KCNQ4: variants seen among roughly 807,000 people sequenced by gnomAD.
KCNQ4 encodes potassium voltage-gated channel subfamily KQT member 4.
A neutral mutation model predicts 72.6 loss-of-function variants in KCNQ4; 31 were observed. The observed-to-expected ratio is 0.43, with a 90% confidence interval of 0.32 to 0.58. The LOEUF (loss-of-function observed/expected upper bound fraction) is 0.58, where lower values mean the gene tolerates loss of function less well. Among genes scored for constraint, KCNQ4 ranks in the 20% least tolerant of loss-of-function variants. The probability of loss-of-function intolerance (pLI) is 0.08; values close to 1 mark genes in which losing one functional copy is unlikely to be tolerated. For synonymous variants in KCNQ4, 405 were observed against 403.7 expected (o/e 1.00, Z -0.04); for missense variants, 869 against 962.6 (o/e 0.90, Z 1.29).
rs1323481991 is a variant in KCNQ4, at chr1:40,817,154, TTTTC to T, written c.315-109_315-106del. 43 of 843,138 alleles carry T rather than the reference TTTTC, an allele frequency of 5.1e-5. No homozygotes were observed. In the Middle Eastern group the frequency reaches 2.4e-3, roughly 48 times the overall value. The allele number at this position is 843,138 out of a possible 1,614,324, so 52.2% of individuals were successfully genotyped here. On this transcript the variant is annotated intron_variant, in intron 1 of 13. Transcript: ENST00000347132. This position sits in a 1 kb window ranked among gnomAD's most constrained non-coding sequence, Gnocchi z 5.5. The stretch of plus-strand genomic sequence containing the variant: ...AATTCCAATTCTGATTTCCACATAA[TTTTC>T]TGAAAATAATGTTCTCCTCTCTTGG...
chr1:40,803,918 C>T (rs1030318706), intron 1 of KCNQ4, among the ~76,000 whole-genome samples: 1 of 152,238 alleles, frequency 6.6e-6, no homozygotes, highest in African/African-American at 2.4e-5. Flanking sequence ...TGGGCTCAGT[C>T]TTGGCACCTG....
intron 1 of KCNQ4, among the ~76,000 whole-genome samples, chr1:40,816,301 C>T (rs1322633668): frequency 6.6e-6 from 1 of 152,132 alleles, no homozygotes; most frequent in Non-Finnish European, 1.5e-5. Flanking sequence ...TGGAGGCCAC[C>T]TCATTCGCCT....
At chr1:40,835,178 C>T (rs915124597) in intron 12 of KCNQ4, 80 bp downstream of exon 12, 46 of 1,542,224 alleles carry the variant, frequency 3.0e-5, no homozygotes, top group African/African-American at 2.5e-4. Flanking sequence ...GGCCAACCCC[C>T]GAGCACCCCC....
chr1:40,791,359 C>T (rs753070668), intron 1 of KCNQ4, among the ~76,000 whole-genome samples: 17 of 152,114 alleles, frequency 1.1e-4, no homozygotes, highest in Non-Finnish European at 2.4e-4. Flanking sequence ...TCTCTGGGGG[C>T]CCCTCAGGTG....
At position 40,784,528 on chromosome 1, in the gene KCNQ4, C is replaced by T. The variant is rs1647184854; in HGVS notation, c.314+121C>T. 1.5e-5 allele frequency: 14 copies of T among 936,252 alleles called. No individual in the cohort carries two copies. The highest frequency in any genetic ancestry group is 1.5e-4 in the South Asian group (11 of 74,092). 58.0% of individuals were successfully genotyped at this position (936,252 alleles called of 1,614,324 possible). A position where few individuals can be genotyped will look rare whatever the true frequency, so the allele number is the denominator to read the frequency against. On this transcript the variant is annotated intron_variant, in intron 1 of 13. Transcript: ENST00000347132. The surrounding 1 kb of genome is among the most constrained non-coding windows in gnomAD (Gnocchi z 4.1). ...TGCCTCAGGGCCGACCCTCATCTCT[C>T]TCCCCCCAGGCCTAAGCCCGGTTTC... is the stretch of plus-strand genomic sequence containing the variant.
intron 9 of KCNQ4, among the ~76,000 whole-genome samples, chr1:40,827,873 A>G (rs1348804815): frequency 6.6e-6 from 1 of 151,904 alleles, no homozygotes; most frequent in African/African-American, 2.4e-5. Context: ...GCCTTATTTG[A>G]TTTGGTATGT....
intron 1 of KCNQ4, among the ~76,000 whole-genome samples, chr1:40,787,956 C>T (rs1276105066): frequency 6.6e-6 from 1 of 152,210 alleles, no homozygotes; most frequent in Non-Finnish European, 1.5e-5. Context: ...CTCCCAGCCC[C>T]CAGGGCCCAG....
chr1:40,827,067 C>A (rs571453937), intron 9 of KCNQ4, among the ~76,000 whole-genome samples: 3 of 152,320 alleles, frequency 2.0e-5, no homozygotes, highest in African/African-American at 7.2e-5. Context: ...TTGGGCTTAG[C>A]TTTCTGTCTC....
chr1:40,784,162 A>T lies in KCNQ4; in HGVS notation c.69A>T (p.Leu23=). 9.3e-7 allele frequency: 1 copy of T among 1,076,592 alleles called. No homozygotes were observed. The highest frequency in any genetic ancestry group is 1.1e-6 in the Non-Finnish European group (1 of 877,384). 66.7% of individuals were successfully genotyped at this position (1,076,592 alleles called of 1,614,324 possible). Residue 23 remains leucine (L), a synonymous_variant, in exon 1 of 14, where the codon CTA becomes CTT. Transcript: ENST00000347132. The surrounding 1 kb of genome is among the most constrained non-coding windows in gnomAD (Gnocchi z 4.1). ...CCGGGGACGCCCCCCGCGCGGAGCTAGTGGCGCTCACGGCCGTGCAGAGCG... is the reference window on the plus strand; with the variant it reads ...CCGGGGACGCCCCCCGCGCGGAGCTTGTGGCGCTCACGGCCGTGCAGAGCG... The part of the protein sequence containing the change: ...PPPGDAPRAE[L]VALTAVQSEQ...
At chr1:40,796,225 GAC>G (rs1346200273) in intron 1 of KCNQ4, among the ~76,000 whole-genome samples, 1 of 152,124 alleles carries the variant, frequency 6.6e-6, no homozygotes, top group African/African-American at 2.4e-5. Flanking sequence ...GAAGGCAAGA[GAC>G]ACGATCCTGC....
intron 1 of KCNQ4, chr1:40,805,223 A>G (rs532654921): frequency 3.5e-4 from 53 of 152,224 alleles, no homozygotes; most frequent in African/African-American, 1.2e-3. Context: ...CCAACTCACA[A>G]TGGGGCAAAC....
chr1:40,805,717 T>C (rs977980392), intron 1 of KCNQ4, among the ~76,000 whole-genome samples: 6 of 152,196 alleles, frequency 3.9e-5, no homozygotes, highest in African/African-American at 1.4e-4. Flanking sequence ...TACCGGCTAG[T>C]GAAGAGCAAG....
chr1:40,826,855 G>T (rs564970150), intron 9 of KCNQ4, among the ~76,000 whole-genome samples: 1 of 152,242 alleles, frequency 6.6e-6, no homozygotes, highest in Non-Finnish European at 1.5e-5. Context: ...GGATGCCTCT[G>T]CTAGGTCTGG....
chr1:40,833,835 A>G (rs1648731748), intron 11 of KCNQ4, among the ~76,000 whole-genome samples: 1 of 147,630 alleles, frequency 6.8e-6, no homozygotes, highest in East Asian at 2.0e-4. Flanking sequence ...TGTCTTTGCA[A>G]AAAAAAAAAA....
Position 40,838,396 on chromosome 1 carries a change from C to T in KCNQ4, c.1961C>T (p.Ala654Val). 2.5e-6 allele frequency: 4 copies of T among 1,614,094 alleles called. No individual in the cohort carries two copies. The highest frequency in any genetic ancestry group is 3.4e-6 in the Non-Finnish European group (4 of 1,179,954). ...TCTGGCACCTCGGCCAGCCTGGGCG[C>T]CGTGCAAGTGCCGCTGTTCGACCCC... is the stretch of plus-strand genomic sequence containing the variant. ...LRSGTSASLG[A>V]VQVPLFDPDI... Residue 654 changes from alanine to valine, a missense_variant, in exon 14 of 14, where the codon GCC becomes GTC. Physicochemically the swap from Ala to Val is moderately conservative, Grantham distance 64. Around this residue, in one of 5 missense-constraint regions of KCNQ4, gnomAD observed 480 missense variants for 501.9 expected, o/e 0.96. Transcript: ENST00000347132.
At chr1:40,807,944 C>A (rs747770163) in intron 1 of KCNQ4, among the ~76,000 whole-genome samples, 4 of 145,490 alleles carry the variant, frequency 2.7e-5, no homozygotes, top group Non-Finnish European at 6.1e-5. Flanking sequence ...ATAGCAAGAC[C>A]TTGTCTCTAC....
intron 1 of KCNQ4, among the ~76,000 whole-genome samples, chr1:40,803,791 T>C (rs978637041): frequency 6.6e-6 from 1 of 152,032 alleles, no homozygotes. Flanking sequence ...GGCCTGTGAG[T>C]TTGCATGCTG....
intron 8 of KCNQ4, among the ~76,000 whole-genome samples, 159 bp downstream of exon 8, chr1:40,822,561 A>T (rs1283586972): frequency 6.6e-6 from 1 of 152,090 alleles, no homozygotes; most frequent in African/African-American, 2.4e-5. Flanking sequence ...CAGAGCCTGG[A>T]GTGTCCTTTA....
In KCNQ4 at chr1:40,784,276, G is replaced by A; in HGVS notation, c.183G>A (p.Pro61=). Residue 61 remains proline, a synonymous_variant, in exon 1 of 14, where the codon CCG becomes CCA. Transcript: ENST00000347132. This position sits in a 1 kb window ranked among gnomAD's most constrained non-coding sequence, Gnocchi z 4.1. ...CGCCGGGCGCGCCCCTCCCTGGGCC[G>A]GGCTCCGGCTCGGGCTCCGCCTGCG... ...PLPPGAPLPG[P]GSGSGSACGQ... is the part of the protein sequence containing the mutation. 6.5e-7 allele frequency: 1 copy of A among 1,533,838 alleles called. No individual in the cohort carries two copies. The highest frequency in any genetic ancestry group is 8.7e-7 in the Non-Finnish European group (1 of 1,146,262).
Sources: allele counts gnomAD v4.1 joint callset (sites outside exome capture counted in the v4.1 genomes callset), GRCh38; gene constraint gnomAD v4.1.1; regional missense constraint gnomAD v4.1.1; non-coding constraint Gnocchi (gnomAD v3.1); transcripts MANE v1.5; gene names NCBI Gene and HGNC (gene_info 2026-07-23, HGNC 2026-07-21).